Variants in SAMMSON observed in about 807,000 individuals in gnomAD.
SAMMSON encodes survival associated mitochondrial melanoma specific oncogenic non-coding RNA.
chr3:70,051,753 AGTTC>A (rs1553712678), intron 3 of SAMMSON, among the ~76,000 whole-genome samples: 1 of 148,394 alleles, frequency 6.7e-6, no homozygotes, highest in Non-Finnish European at 1.5e-5. Flanking sequence ...ATGTTGGTGG[AGTTC>A]TGACATTTAA....
At chr3:70,187,025 G>A (rs1576147656) in intron 4 of SAMMSON, among the ~76,000 whole-genome samples, 2 of 152,274 alleles carry the variant, frequency 1.3e-5, no homozygotes, top group African/African-American at 4.8e-5. Flanking sequence ...CTGGAAGAAA[G>A]GTCTGTCATG....
chr3:70,273,385 A>C (rs1465303057), intron 6 of SAMMSON, among the ~76,000 whole-genome samples: 1 of 152,170 alleles, frequency 6.6e-6, no homozygotes, highest in African/African-American at 2.4e-5. Flanking sequence ...TTTAATCCAA[A>C]GGGAAGTCTT....
chr3:70,170,579 C>CT (rs538385626), intron 4 of SAMMSON, among the ~76,000 whole-genome samples: 2,694 of 105,480 alleles, frequency 0.026, 42 homozygotes, highest in Non-Finnish European at 0.032. Flanking sequence ...CTAGATTTTC[C>CT]TTTTTTTTTT....
chr3:70,223,547 GGTT>G (rs1353541741), intron 4 of SAMMSON, among the ~76,000 whole-genome samples: 1 of 152,110 alleles, frequency 6.6e-6, no homozygotes, highest in African/African-American at 2.4e-5. Flanking sequence ...GAAAGGCTGA[GGTT>G]GTCTCCCCCA....
intron 3 of SAMMSON, among the ~76,000 whole-genome samples, chr3:70,021,055 A>T (rs374538905): frequency 2.0e-4 from 30 of 152,194 alleles, no homozygotes; most frequent in African/African-American, 6.7e-4. Context: ...TAAATGTTGG[A>T]ATTTTATTTT....
At chr3:70,046,263 G>A (rs1400237546) in intron 3 of SAMMSON, among the ~76,000 whole-genome samples, 1 of 152,046 alleles carries the variant, frequency 6.6e-6, no homozygotes, top group Non-Finnish European at 1.5e-5. Flanking sequence ...AAGTGAAGGT[G>A]ACCAATGAAA....
At chr3:70,190,360 T>C (rs1701121836) in intron 4 of SAMMSON, among the ~76,000 whole-genome samples, 1 of 152,170 alleles carries the variant, frequency 6.6e-6, no homozygotes, top group Admixed American at 6.5e-5. Flanking sequence ...TGCTGCCTGG[T>C]CAATCTTCCT....
At chr3:70,179,850 G>A (rs1199056355) in intron 4 of SAMMSON, among the ~76,000 whole-genome samples, 1 of 152,170 alleles carries the variant, frequency 6.6e-6, no homozygotes, top group African/African-American at 2.4e-5. Context: ...TTAAGGAAAA[G>A]TTCAACTGCT....
At chr3:70,149,006 G>T (rs1462031816) in intron 4 of SAMMSON, among the ~76,000 whole-genome samples, 7 of 152,010 alleles carry the variant, frequency 4.6e-5, no homozygotes, top group Non-Finnish European at 1.5e-5. Context: ...GCTAAGTTGT[G>T]CAGCACATTG....
intron 2 of SAMMSON, among the ~76,000 whole-genome samples, chr3:70,427,253 A>G (rs1050916258): frequency 3.9e-5 from 6 of 152,192 alleles, no homozygotes; most frequent in Non-Finnish European, 8.8e-5. Flanking sequence ...TCTTCTAGGC[A>G]TTCATTGTTG....
intron 3 of SAMMSON, among the ~76,000 whole-genome samples, chr3:70,054,750 A>G (rs2067160971): frequency 6.6e-6 from 1 of 152,048 alleles, no homozygotes; most frequent in South Asian, 2.1e-4. Flanking sequence ...GACAACATGG[A>G]GTGATGAGGA....
intron 4 of SAMMSON, among the ~76,000 whole-genome samples, chr3:70,084,569 G>A (rs558275234): frequency 4.1e-4 from 62 of 152,186 alleles, no homozygotes; most frequent in Admixed American, 2.5e-3. Flanking sequence ...CCTTGCCTTC[G>A]TGCCTGTCCA....
intron 9 of SAMMSON, among the ~76,000 whole-genome samples, chr3:70,364,282 T>A (rs963084669): frequency 2.6e-5 from 4 of 151,894 alleles, no homozygotes; most frequent in African/African-American, 9.7e-5. Context: ...AAACCTGAGT[T>A]ATTGATTGTT....
At chr3:70,065,958 T>C (rs1198247688) in intron 3 of SAMMSON, among the ~76,000 whole-genome samples, 2 of 152,134 alleles carry the variant, frequency 1.3e-5, no homozygotes, top group Non-Finnish European at 2.9e-5. Context: ...AAATCCCAAC[T>C]GCAAAGCTTT....
At chr3:70,106,907 A>G (rs965701931) in intron 4 of SAMMSON, among the ~76,000 whole-genome samples, 12 of 152,190 alleles carry the variant, frequency 7.9e-5, no homozygotes, top group Non-Finnish European at 2.9e-5. Context: ...CCCCTGCCTA[A>G]TAAGAGCTAT....
intron 2 of SAMMSON, among the ~76,000 whole-genome samples, chr3:70,012,894 T>C (rs533176664): frequency 1.6e-4 from 24 of 152,236 alleles, no homozygotes; most frequent in African/African-American, 5.8e-4. Flanking sequence ...GGGCCTCTTC[T>C]ACCATACAAG....
intron 7 of SAMMSON, among the ~76,000 whole-genome samples, chr3:70,326,064 T>C (rs893774899): frequency 6.6e-6 from 1 of 152,160 alleles, no homozygotes; most frequent in Non-Finnish European, 1.5e-5. Flanking sequence ...GATCTTGAGA[T>C]CGGCATAACT....
chr3:70,302,926 A>C (rs1267464732), intron 7 of SAMMSON, among the ~76,000 whole-genome samples: 1 of 152,188 alleles, frequency 6.6e-6, no homozygotes, highest in Admixed American at 6.5e-5. Flanking sequence ...AACCATCAGC[A>C]GTAGGATGTG....
chr3:70,333,776 C>T (rs1702642495), intron 7 of SAMMSON, among the ~76,000 whole-genome samples: 1 of 152,170 alleles, frequency 6.6e-6, no homozygotes, highest in Admixed American at 6.5e-5. Context: ...ACCCCTTTAA[C>T]AGTTTTCGGT....
Sources: allele counts gnomAD v4.1 joint callset (sites outside exome capture counted in the v4.1 genomes callset), GRCh38; gene constraint gnomAD v4.1.1; transcripts MANE v1.5; gene names NCBI Gene and HGNC (gene_info 2026-07-23, HGNC 2026-07-21).